The following SPHKAP variants were observed in gnomAD, a reference collection of about 807,000 sequenced individuals.
SPHKAP encodes the protein A-kinase anchor protein SPHKAP.
SPHKAP carries 67 observed loss-of-function variants against 137.5 expected under a neutral mutation model. The observed-to-expected ratio is 0.49, with a 90% CI of 0.40 to 0.60. The LOEUF (loss-of-function observed/expected upper bound fraction) is 0.60. Among genes scored for constraint, SPHKAP ranks in the 20% least tolerant of loss-of-function variants. The probability of loss-of-function intolerance (pLI) is 0.00; values close to 1 mark genes in which losing one functional copy is unlikely to be tolerated. For synonymous variants in SPHKAP, 813 were observed against 785.3 expected (o/e 1.04, Z -0.59); for missense variants, 2,097 against 2,069.3 (o/e 1.01, Z -0.26).
At chr2:227,984,170 T>C (rs1693118234) in intron 11 of SPHKAP, among the ~76,000 whole-genome samples, 1 of 151,764 alleles carries the variant, frequency 6.6e-6, no homozygotes, top group Non-Finnish European at 1.5e-5. Flanking sequence ...CGTCGTGGCA[T>C]GCACCTGTAA....
intron 1 of SPHKAP, among the ~76,000 whole-genome samples, chr2:228,164,064 A>G: frequency 6.6e-6 from 1 of 152,182 alleles, no homozygotes; most frequent in East Asian, 1.9e-4. Context: ...GCTTGCCAGC[A>G]CAGCAAAAAC....
chr2:228,150,240 A>C (rs2106397930), intron 1 of SPHKAP, among the ~76,000 whole-genome samples: 1 of 152,276 alleles, frequency 6.6e-6, no homozygotes, highest in African/African-American at 2.4e-5. Context: ...TTGGTTGGGC[A>C]GCTGTTCTTT....
intron 2 of SPHKAP, chr2:228,109,477 T>A: frequency 3.2e-6 from 2 of 626,942 alleles, no homozygotes; most frequent in Non-Finnish European, 4.0e-6. Context: ...CAAATTACAT[T>A]AAATACCATT....
intron 3 of SPHKAP, among the ~76,000 whole-genome samples, chr2:228,057,540 G>T (rs567498411): frequency 6.6e-6 from 1 of 152,156 alleles, no homozygotes; most frequent in African/African-American, 2.4e-5. Flanking sequence ...AAGAGGAGAG[G>T]AGAGGAAAGT....
chr2:228,136,993 C>T (rs1699455063), intron 1 of SPHKAP, among the ~76,000 whole-genome samples: 1 of 152,062 alleles, frequency 6.6e-6, no homozygotes, highest in Admixed American at 6.6e-5. Context: ...TTCCCCCTGC[C>T]AAGGAGGCCA....
At chr2:228,133,803 C>A (rs1156402571) in intron 1 of SPHKAP, among the ~76,000 whole-genome samples, 6 of 152,182 alleles carry the variant, frequency 3.9e-5, no homozygotes, top group African/African-American at 1.2e-4. Context: ...AGCCTTTTGG[C>A]ATTTCCATTA....
intron 2 of SPHKAP, among the ~76,000 whole-genome samples, chr2:228,113,455 G>A (rs1001826756): frequency 6.6e-6 from 1 of 152,092 alleles, no homozygotes; most frequent in African/African-American, 2.4e-5. Flanking sequence ...CCCAGGCTTA[G>A]AGGGATCAAT....
chr2:228,020,266 A>G (rs940403375), intron 6 of SPHKAP, 110 bp from the exon 7 acceptor site: 27 of 1,423,808 alleles, frequency 1.9e-5, no homozygotes, highest in Non-Finnish European at 2.4e-5. Context: ...ACACATGCAC[A>G]CATATGTTTA....
chr2:228,016,382 T>C (rs1694590723), intron 7 of SPHKAP, 24 bp downstream of exon 7: 1 of 1,549,390 alleles, frequency 6.5e-7, no homozygotes. Flanking sequence ...ATGCACCCTA[T>C]GTAGTCTGAG....
At chr2:228,114,796 C>A (rs1483007835) in intron 2 of SPHKAP, among the ~76,000 whole-genome samples, 2 of 152,128 alleles carry the variant, frequency 1.3e-5, no homozygotes, top group Non-Finnish European at 2.9e-5. Context: ...CTTCTCTACT[C>A]TCCTTCAGTC....
intron 3 of SPHKAP, among the ~76,000 whole-genome samples, chr2:228,077,087 A>T (rs1046320734): frequency 6.6e-6 from 1 of 152,178 alleles, no homozygotes; most frequent in African/African-American, 2.4e-5. Context: ...CTTCCACATG[A>T]TGTTGAGTCT....
chr2:228,076,129 G>A (rs1212564194), intron 3 of SPHKAP, among the ~76,000 whole-genome samples: 1 of 152,192 alleles, frequency 6.6e-6, no homozygotes, highest in East Asian at 1.9e-4. Context: ...CACATAAGAT[G>A]TGACTTGCTC....
rs1693034492 is a variant in SPHKAP at position 227,982,409 on chromosome 2, G to A, written c.4960-549C>T. The A allele has an allele frequency of 5.2e-6, 5 of 969,560 alleles. No individual in the cohort carries two copies. In the South Asian group the frequency reaches 2.4e-4, roughly 46 times the overall value. The allele number at this position is 969,560 out of a possible 1,614,324, so 60.1% of individuals were successfully genotyped here. ...AAAGCCTGGCTTTCCACAGCCACAG[G>A]ATCAGGAAAGATGGAGGAAACACCT... On this transcript the variant is annotated intron_variant, in intron 11 of 11. Coordinates refer to ENST00000392056, the MANE Select transcript of SPHKAP (RefSeq NM_001142644.2).
intron 3 of SPHKAP, among the ~76,000 whole-genome samples, chr2:228,048,934 C>T (rs1001648133): frequency 6.6e-6 from 1 of 152,088 alleles, no homozygotes; most frequent in Non-Finnish European, 1.5e-5. Context: ...CCTAATGACT[C>T]AATTCTCAGG....
At chr2:228,136,985 C>A (rs1167561133) in intron 1 of SPHKAP, among the ~76,000 whole-genome samples, 2 of 152,070 alleles carry the variant, frequency 1.3e-5, no homozygotes, top group Admixed American at 1.3e-4. Flanking sequence ...CTTCTCTCTT[C>A]CCCCTGCCAA....
intron 1 of SPHKAP, among the ~76,000 whole-genome samples, chr2:228,140,192 C>T (rs1301523313): frequency 6.6e-6 from 1 of 151,340 alleles, no homozygotes; most frequent in Non-Finnish European, 1.5e-5. Flanking sequence ...GGTGATGTGC[C>T]TGTCTTGGCC....
chr2:227,984,039 G>A (rs1324450280), intron 11 of SPHKAP, among the ~76,000 whole-genome samples: 2 of 152,098 alleles, frequency 1.3e-5, no homozygotes, highest in Non-Finnish European at 2.9e-5. Flanking sequence ...GGTGGCTCAC[G>A]CCTGTAATCC....
chr2:228,132,843 C>CAAAAAAAAAAA lies in SPHKAP; in HGVS notation c.33-769_33-759dup, dbSNP rs1313392929. 8.0e-4 allele frequency among the ~76,000 whole-genome samples: 101 copies of CAAAAAAAAAAA among 126,234 alleles called. 2 individuals are homozygous for CAAAAAAAAAAA. Among genetic ancestry groups the CAAAAAAAAAAA allele is most frequent in the African/African-American group, 1.3e-3 (45 of 34,748 alleles). The allele number at this position is 126,234 out of a possible 152,430, so 82.8% of individuals were successfully genotyped here. On this transcript the variant is annotated intron_variant, in intron 1 of 11. Coordinates refer to ENST00000392056, the MANE Select transcript of SPHKAP (RefSeq NM_001142644.2). ...TGAAACCCTGTTTCTACTAAAAATA[C>CAAAAAAAAAAA]AAAAAAAAAAATAAGCCAGGTGTGG...
At chr2:228,090,822 C>T (rs1056850339) in intron 3 of SPHKAP, among the ~76,000 whole-genome samples, 7 of 151,980 alleles carry the variant, frequency 4.6e-5, no homozygotes, top group Admixed American at 3.9e-4. Flanking sequence ...TGCCTTCTGC[C>T]ATGATTGTAA....
Sources: gnomAD v4.1 joint callset for allele counts (sites outside exome capture counted in the v4.1 genomes callset) on GRCh38, gnomAD v4.1.1 for gene constraint, MANE v1.5 for transcripts, NCBI Gene and HGNC (gene_info 2026-07-23, HGNC 2026-07-21) for gene names.